ASH1L: variants seen among roughly 807,000 people sequenced by gnomAD.
The protein encoded by ASH1L is histone-lysine N-methyltransferase ASH1L.
A neutral mutation model predicts 269.0 loss-of-function variants in ASH1L; 23 were observed. The ratio of observed to expected loss-of-function variants is 0.09; its 90% CI spans 0.06 to 0.12. ASH1L has a LOEUF of 0.12. Among genes scored for constraint, ASH1L ranks in the 10% least tolerant of loss-of-function variants. ASH1L has a pLI of 1.00. For synonymous variants in ASH1L, 1,187 were observed against 1,253.5 expected (o/e 0.95, Z 1.12); for missense variants, 2,912 against 3,567.8 (o/e 0.82, Z 4.68).
At chr1:155,346,348 T>C in intron 21 of ASH1L, 35 bp downstream of exon 21, 1 of 1,605,318 alleles carries the variant, frequency 6.2e-7, no homozygotes. Flanking sequence ...CCTCTCCTAC[T>C]TATAGATCAG....
At position 155,487,096 on chromosome 1, in the gene ASH1L, C is replaced by CG. The variant is rs1226693776; in HGVS notation, c.421-4648dup. 1.5e-4 allele frequency among the ~76,000 whole-genome samples: 23 copies of CG among 152,112 alleles called. 1 individual carries two copies. The Middle Eastern group carries it at 0.014, about 90-fold the overall frequency. Reference sequence around the variant, plus strand: ...AGGATAATCGCTTGAACCCAGGAGGCGGAGGTTGCAGTGAGCTGAGATCAT... The same window carrying CG: ...AGGATAATCGCTTGAACCCAGGAGGCGGGAGGTTGCAGTGAGCTGAGATCAT... On this transcript the variant is annotated intron_variant, in intron 2 of 27. Coordinates refer to ENST00000392403, the MANE Select transcript of ASH1L (RefSeq NM_018489.3).
In ASH1L at chr1:155,484,954, A is replaced by C. The variant is rs1177374425; in HGVS notation, c.421-2505T>G. Among the ~76,000 whole-genome samples, 171 of 142,414 alleles carry C rather than the reference A, an allele frequency of 1.2e-3. 2 individuals carry two copies. Among genetic ancestry groups the C allele is most frequent in the Admixed American group, 4.5e-3 (66 of 14,558 alleles). 93.4% of individuals were successfully genotyped at this position (142,414 alleles called of 152,430 possible). ...AAAAAAAAAAAAAAACAAAAACAAA[A>C]ACAAAAACAAAAACCAACCAACCAC... On this transcript the variant is annotated intron_variant, in intron 2 of 27. Transcript: ENST00000392403.
intron 5 of ASH1L, among the ~76,000 whole-genome samples, chr1:155,426,210 G>C (rs1403949354): frequency 2.0e-5 from 3 of 152,058 alleles, no homozygotes; most frequent in Admixed American, 6.6e-5. Context: ...GATTACAGGA[G>C]TGTGCCATCA....
intron 6 of ASH1L, among the ~76,000 whole-genome samples, chr1:155,397,399 C>T (rs1197897435): frequency 6.6e-6 from 1 of 151,036 alleles, no homozygotes; most frequent in Non-Finnish European, 1.5e-5. Context: ...CAAGAGGCTG[C>T]AGCTGGAGAA....
intron 1 of ASH1L, among the ~76,000 whole-genome samples, chr1:155,527,631 G>C (rs1165284928): frequency 1.3e-5 from 2 of 150,818 alleles, no homozygotes; most frequent in Non-Finnish European, 2.9e-5. Context: ...CAAAATCCTG[G>C]GCTCAAGTGA....
At chr1:155,489,617 G>T (rs990767745) in intron 2 of ASH1L, among the ~76,000 whole-genome samples, 1 of 151,810 alleles carries the variant, frequency 6.6e-6, no homozygotes, top group Admixed American at 6.6e-5. Context: ...AATTAGACGG[G>T]CATGGTGGCG....
chr1:155,542,090 A>G (rs1057409618), intron 1 of ASH1L, among the ~76,000 whole-genome samples: 1 of 152,196 alleles, frequency 6.6e-6, no homozygotes, highest in Non-Finnish European at 1.5e-5. Flanking sequence ...GATCAAAAAT[A>G]TAACTGCAAT....
At chr1:155,380,516 G>A (rs1231635565) in intron 7 of ASH1L, among the ~76,000 whole-genome samples, 1 of 151,906 alleles carries the variant, frequency 6.6e-6, no homozygotes, top group Non-Finnish European at 1.5e-5. Context: ...AACTCGAGAA[G>A]TTTTCCAGGC....
At chr1:155,356,735 G>A (rs1654424779) in intron 15 of ASH1L, among the ~76,000 whole-genome samples, 1 of 151,744 alleles carries the variant, frequency 6.6e-6, no homozygotes, top group African/African-American at 2.4e-5. Context: ...TCCTGCCTCA[G>A]CCTCCTGAGT....
At chr1:155,519,281 C>T (rs1364574416) in intron 2 of ASH1L, among the ~76,000 whole-genome samples, 1 of 151,792 alleles carries the variant, frequency 6.6e-6, no homozygotes, top group South Asian at 2.1e-4. Flanking sequence ...CTAAAAAATA[C>T]AAAAATTAGC....
At chr1:155,397,317 T>C (rs571191398) in intron 6 of ASH1L, among the ~76,000 whole-genome samples, 7,938 of 151,782 alleles carry the variant, frequency 0.052, 700 homozygotes, top group African/African-American at 0.18. Flanking sequence ...GCCAATGTGA[T>C]AAAACCCTGT....
chr1:155,364,797 C>A (rs1655256876), intron 12 of ASH1L, among the ~76,000 whole-genome samples: 2 of 151,656 alleles, frequency 1.3e-5, no homozygotes, highest in African/African-American at 4.8e-5. Context: ...AAAAAATTAA[C>A]CAGGCATGGT....
At chr1:155,464,139 T>C (rs1664509151) in intron 3 of ASH1L, among the ~76,000 whole-genome samples, 1 of 152,188 alleles carries the variant, frequency 6.6e-6, no homozygotes, top group Non-Finnish European at 1.5e-5. Context: ...GTCTCCATCA[T>C]GTGACAAATG....
intron 26 of ASH1L, 59 bp from the exon 27 acceptor site, chr1:155,338,449 G>A: frequency 2.0e-6 from 3 of 1,522,894 alleles, no homozygotes; most frequent in South Asian, 1.3e-5. Context: ...GGGGATGAAG[G>A]GTAGGAGGCC....
intron 5 of ASH1L, among the ~76,000 whole-genome samples, chr1:155,432,364 A>G (rs1320540854): frequency 1.3e-5 from 2 of 152,214 alleles, no homozygotes; most frequent in African/African-American, 4.8e-5. Flanking sequence ...GTAACTCTTC[A>G]TAATAGCACT....
intron 5 of ASH1L, among the ~76,000 whole-genome samples, chr1:155,438,080 T>A (rs1662242077): frequency 6.6e-6 from 1 of 152,172 alleles, no homozygotes; most frequent in South Asian, 2.1e-4. Flanking sequence ...ACTCCTCACC[T>A]CAAGTGATCC....
chr1:155,347,097 G>A (rs1653411308), intron 20 of ASH1L, among the ~76,000 whole-genome samples: 1 of 152,152 alleles, frequency 6.6e-6, no homozygotes, highest in Non-Finnish European at 1.5e-5. Context: ...ACAGTGGAAA[G>A]TGGGCAGAAA....
chr1:155,423,340 G>C (rs1660869864), intron 5 of ASH1L, among the ~76,000 whole-genome samples: 1 of 151,810 alleles, frequency 6.6e-6, no homozygotes, highest in Non-Finnish European at 1.5e-5. Context: ...CAGCACGTTG[G>C]GAGGCCGAGG....
At chr1:155,359,407 G>C (rs1177023568) in intron 13 of ASH1L, among the ~76,000 whole-genome samples, 1 of 152,102 alleles carries the variant, frequency 6.6e-6, no homozygotes, top group Non-Finnish European at 1.5e-5. Flanking sequence ...CTCCTGAGTA[G>C]CTGGGACTAC....
Sources: gnomAD v4.1 joint callset for allele counts (sites outside exome capture counted in the v4.1 genomes callset) on GRCh38, gnomAD v4.1.1 for gene constraint, MANE v1.5 for transcripts, NCBI Gene and HGNC (gene_info 2026-07-23, HGNC 2026-07-21) for gene names.